ADGRA3: variants seen among roughly 807,000 people sequenced by gnomAD.
ADGRA3 encodes the protein G-protein coupled receptor 125.
Under a neutral mutation model 119.8 loss-of-function variants are expected in ADGRA3, and 56 were observed. The observed-to-expected ratio is 0.47, with a 90% confidence interval of 0.38 to 0.58. ADGRA3 has a LOEUF of 0.58. Ranked by LOEUF, ADGRA3 falls within the 20% of genes least tolerant of loss-of-function variation. The pLI is 0.00. For synonymous variants in ADGRA3, 607 were observed against 623.8 expected (o/e 0.97, Z 0.40); for missense variants, 1,516 against 1,649.0 (o/e 0.92, Z 1.40).
intron 14 of ADGRA3, among the ~76,000 whole-genome samples, chr4:22,406,401 T>C (rs1215300800): frequency 6.6e-6 from 1 of 152,230 alleles, no homozygotes; most frequent in Non-Finnish European, 1.5e-5. Context: ...ACTTACAAAC[T>C]ACTTTCTATA....
chr4:22,399,656 G>A (rs73245196), intron 16 of ADGRA3, among the ~76,000 whole-genome samples: 2,317 of 152,114 alleles, frequency 0.015, 32 homozygotes, highest in South Asian at 0.032. Flanking sequence ...GTCTGCCTCT[G>A]GACTCTCCAT....
At chr4:22,439,637 A>C (rs1281130903) in intron 7 of ADGRA3, among the ~76,000 whole-genome samples, 1 of 152,228 alleles carries the variant, frequency 6.6e-6, no homozygotes, top group Non-Finnish European at 1.5e-5. Context: ...TGTTGTCTTT[A>C]CTAAGTTAGA....
intron 16 of ADGRA3, among the ~76,000 whole-genome samples, chr4:22,396,191 C>A (rs578193259): frequency 1.9e-4 from 29 of 152,262 alleles, no homozygotes; most frequent in Admixed American, 1.2e-3. Context: ...TCCTTCAGCA[C>A]CTTTAGCAAA....
At chr4:22,510,077 C>T (rs1023142154) in intron 1 of ADGRA3, among the ~76,000 whole-genome samples, 2 of 151,626 alleles carry the variant, frequency 1.3e-5, no homozygotes, top group African/African-American at 4.8e-5. Flanking sequence ...GCTTAGAACT[C>T]CAAACCACAT....
At chr4:22,445,853 A>C (rs1716811078) in intron 5 of ADGRA3, among the ~76,000 whole-genome samples, 1 of 152,244 alleles carries the variant, frequency 6.6e-6, no homozygotes, top group Non-Finnish European at 1.5e-5. Flanking sequence ...ACTTGGGTGC[A>C]AGAAGAAGAA....
At chr4:22,498,717 C>T (rs949959275) in intron 1 of ADGRA3, among the ~76,000 whole-genome samples, 1 of 152,006 alleles carries the variant, frequency 6.6e-6, no homozygotes, top group East Asian at 1.9e-4. Flanking sequence ...AGTTTGAGAC[C>T]AGCCTGACCA....
At chr4:22,474,575 A>G (rs1295215775) in intron 1 of ADGRA3, among the ~76,000 whole-genome samples, 1 of 152,210 alleles carries the variant, frequency 6.6e-6, no homozygotes, top group African/African-American at 2.4e-5. Flanking sequence ...CCTGAATATC[A>G]ATAATGAGCA....
At chr4:22,464,953 A>AC (rs1489274850) in intron 2 of ADGRA3, among the ~76,000 whole-genome samples, 2 of 152,066 alleles carry the variant, frequency 1.3e-5, no homozygotes, top group African/African-American at 4.8e-5. Flanking sequence ...TCACCTGGGG[A>AC]CCTGCTTCTG....
intron 1 of ADGRA3, among the ~76,000 whole-genome samples, chr4:22,490,892 C>A (rs180919601): frequency 6.6e-6 from 1 of 152,104 alleles, no homozygotes; most frequent in East Asian, 1.9e-4. Flanking sequence ...CTCTGTAGGT[C>A]GGAAGTCCAG....
At chr4:22,475,826 T>C (rs1229673210) in intron 1 of ADGRA3, among the ~76,000 whole-genome samples, 2 of 152,006 alleles carry the variant, frequency 1.3e-5, no homozygotes, top group Admixed American at 6.5e-5. Flanking sequence ...CTGGGTGCAG[T>C]GTATACTGCT....
At chr4:22,433,007 C>T (rs59602170) in intron 10 of ADGRA3, among the ~76,000 whole-genome samples, 101,385 of 152,120 alleles carry the variant, frequency 0.67, 34,578 homozygotes, top group Non-Finnish European at 0.74. Flanking sequence ...ATGAAGCCCT[C>T]AAGCCTCCTA....
intron 1 of ADGRA3, among the ~76,000 whole-genome samples, chr4:22,512,602 A>G (rs1719485993): frequency 6.6e-6 from 1 of 152,142 alleles, no homozygotes; most frequent in South Asian, 2.1e-4. Context: ...AAGAGAAAGG[A>G]GAGGACTTGA....
intron 1 of ADGRA3, among the ~76,000 whole-genome samples, chr4:22,476,316 C>CA (rs1233124415): frequency 6.6e-6 from 1 of 152,106 alleles, no homozygotes; most frequent in African/African-American, 2.4e-5. Flanking sequence ...CGGCACTCAC[C>CA]AAACTGACAA....
chr4:22,515,452 A>G, intron 1 of ADGRA3, 76 bp downstream of exon 1: 2 of 1,530,844 alleles, frequency 1.3e-6, no homozygotes, highest in East Asian at 2.6e-5. Context: ...TGCCGGCTGG[A>G]CCCTGCTCCA....
At chr4:22,397,175 CTTT>C (rs56918685) in intron 16 of ADGRA3, among the ~76,000 whole-genome samples, 6 of 93,252 alleles carry the variant, frequency 6.4e-5, no homozygotes, top group African/African-American at 1.2e-4. Context: ...TACTGTAATT[CTTT>C]TTTTTTTTTT....
At chr4:22,390,388 TTATATATATATATAAAATACGTATTA>T (rs748118052) in intron 17 of ADGRA3, among the ~76,000 whole-genome samples, 7,525 of 31,986 alleles carry the variant, frequency 0.24, 496 homozygotes, top group Middle Eastern at 0.39. Flanking sequence ...ATAATACGTA[TTATATATATATATAAAATACGTATTA>T]TATATATATA....
intron 17 of ADGRA3, among the ~76,000 whole-genome samples, chr4:22,390,817 CTCTT>C (rs1255138432): frequency 2.0e-5 from 3 of 152,128 alleles, no homozygotes; most frequent in African/African-American, 7.2e-5. Flanking sequence ...TTTTCCTTAA[CTCTT>C]TATCTTTCTT....
intron 14 of ADGRA3, among the ~76,000 whole-genome samples, chr4:22,406,228 T>C (rs1438796326): frequency 6.6e-6 from 1 of 152,186 alleles, no homozygotes; most frequent in Admixed American, 6.5e-5. Context: ...GATGGACTGA[T>C]GGACACTTAA....
chr4:22,460,282 C>T (rs1452896891), intron 3 of ADGRA3, among the ~76,000 whole-genome samples: 1 of 152,182 alleles, frequency 6.6e-6, no homozygotes, highest in Non-Finnish European at 1.5e-5. Flanking sequence ...CCACCCAAAA[C>T]ATGTCATGTT....
Sources: gnomAD v4.1 joint callset for allele counts (sites outside exome capture counted in the v4.1 genomes callset) on GRCh38, gnomAD v4.1.1 for gene constraint, MANE v1.5 for transcripts, NCBI Gene and HGNC (gene_info 2026-07-23, HGNC 2026-07-21) for gene names.